GALNT13: variants seen among roughly 807,000 people sequenced by gnomAD.
GALNT13 encodes polypeptide N-acetylgalactosaminyltransferase 13, also known as UDP-GalNAc:polypeptide N-acetylgalactosaminyltransferase 13.
In GALNT13, 28 loss-of-function variants were observed where a neutral mutation model predicts 64.2. The observed-to-expected ratio is 0.44, with a 90% confidence interval of 0.32 to 0.60. GALNT13 has a LOEUF of 0.60. GALNT13 is among the 20% of genes least tolerant of loss of function. GALNT13 has a pLI of 0.05. For missense variants in GALNT13, 577 were observed against 669.8 expected (o/e 0.86, Z 1.53); for synonymous variants, 214 against 224.6 (o/e 0.95, Z 0.42).
At chr2:153,611,949 G>A in the GALNT13 span, among the ~76,000 whole-genome samples, 31 of 151,216 alleles carry the variant, frequency 2.1e-4, no homozygotes, top group Non-Finnish European at 3.5e-4. Context: ...GAGTGACAAC[G>A]TGTGGTGTTT....
the GALNT13 span, among the ~76,000 whole-genome samples, chr2:153,710,700 G>C: frequency 1.3e-5 from 2 of 151,892 alleles, no homozygotes; most frequent in Non-Finnish European, 2.9e-5. Context: ...ATCCTTGCTT[G>C]TTTCCTCCAT....
At chr2:153,292,485 A>C in the GALNT13 span, among the ~76,000 whole-genome samples, 87 of 152,296 alleles carry the variant, frequency 5.7e-4, no homozygotes, top group African/African-American at 2.1e-3. Flanking sequence ...CTGTGGGAGA[A>C]CATGACAGGA....
At chr2:153,728,009 C>T in the GALNT13 span, among the ~76,000 whole-genome samples, 5 of 152,060 alleles carry the variant, frequency 3.3e-5, no homozygotes, top group African/African-American at 1.2e-4. Context: ...GTTTTCTGTT[C>T]CTGTGTTAGT....
the GALNT13 span, among the ~76,000 whole-genome samples, chr2:153,411,795 A>G: frequency 6.6e-6 from 1 of 152,202 alleles, no homozygotes; most frequent in Non-Finnish European, 1.5e-5. Context: ...TCCAAAACCA[A>G]TAAAATTTTG....
At chr2:153,999,007 T>A (rs1255138458) in intron 3 of GALNT13, among the ~76,000 whole-genome samples, 1 of 152,122 alleles carries the variant, frequency 6.6e-6, no homozygotes, top group African/African-American at 2.4e-5. Context: ...GCTATCCCCA[T>A]CAAGCTACCA....
intron 2 of GALNT13, among the ~76,000 whole-genome samples, chr2:153,914,995 A>G (rs1431851258): frequency 6.6e-6 from 1 of 152,094 alleles, no homozygotes; most frequent in East Asian, 1.9e-4. Flanking sequence ...TGGCTCTTAC[A>G]CAATACCTAC....
At chr2:154,068,916 A>C (rs1237561436) in intron 3 of GALNT13, among the ~76,000 whole-genome samples, 2 of 152,044 alleles carry the variant, frequency 1.3e-5, no homozygotes, top group African/African-American at 4.8e-5. Context: ...TCAGATTGTA[A>C]TACAAAGAAA....
At chr2:153,257,376 C>T in the GALNT13 span, among the ~76,000 whole-genome samples, 11 of 151,986 alleles carry the variant, frequency 7.2e-5, no homozygotes, top group Admixed American at 5.2e-4. Context: ...GAGATGAACC[C>T]GGTACCTCAG....
At chr2:153,698,582 A>C in the GALNT13 span, among the ~76,000 whole-genome samples, 1 of 152,198 alleles carries the variant, frequency 6.6e-6, no homozygotes, top group Non-Finnish European at 1.5e-5. Flanking sequence ...GTACACCCAG[A>C]TTCATAAAAC....
the GALNT13 span, among the ~76,000 whole-genome samples, chr2:153,127,888 A>G: frequency 6.6e-6 from 1 of 152,202 alleles, no homozygotes. Flanking sequence ...CCACTTGAAT[A>G]ATAACATTTG....
the GALNT13 span, chr2:153,478,730 C>G: frequency 1.6e-6 from 1 of 623,042 alleles, no homozygotes; most frequent in Non-Finnish European, 2.8e-6. Flanking sequence ...TTCCCAGGAG[C>G]CTCTCCGACG....
At chr2:154,441,445 G>A (rs62171061) in intron 12 of GALNT13, among the ~76,000 whole-genome samples, 7,918 of 152,136 alleles carry the variant, frequency 0.052, 253 homozygotes, top group Middle Eastern at 0.085. Context: ...GGTGGTGCAG[G>A]TTCAAGGCAG....
the GALNT13 span, among the ~76,000 whole-genome samples, chr2:153,098,781 G>C: frequency 1.3e-5 from 2 of 152,088 alleles, no homozygotes; most frequent in Non-Finnish European, 2.9e-5. Flanking sequence ...TGGATTTCCT[G>C]AGTCGAATTC....
intron 9 of GALNT13, among the ~76,000 whole-genome samples, chr2:154,359,435 G>A (rs779419053): frequency 6.6e-5 from 10 of 152,090 alleles, no homozygotes; most frequent in Non-Finnish European, 1.5e-4. Flanking sequence ...AGGGAGAATT[G>A]CTGCCTGTAG....
intron 3 of GALNT13, among the ~76,000 whole-genome samples, chr2:153,986,084 A>G (rs370959316): frequency 6.6e-6 from 1 of 152,080 alleles, no homozygotes; most frequent in East Asian, 1.9e-4. Context: ...GCATGAGACT[A>G]TCTGACTCTG....
At chr2:153,635,199 G>A in the GALNT13 span, among the ~76,000 whole-genome samples, 1 of 151,834 alleles carries the variant, frequency 6.6e-6, no homozygotes, top group African/African-American at 2.4e-5. Context: ...ACCCAGTTTA[G>A]GCTTCCTGCC....
In GALNT13 at chr2:154,298,397, A is replaced by C. The variant is rs1420963710; in HGVS notation, c.976-3012A>C. 2.9e-5 allele frequency among the ~76,000 whole-genome samples: 4 copies of C among 136,928 alleles called. No homozygotes were observed. The South Asian group carries it at 6.9e-4, about 24-fold the overall frequency. The allele number at this position is 136,928 out of a possible 152,430, so 89.8% of individuals were successfully genotyped here. A position where few individuals can be genotyped will look rare whatever the true frequency, so the allele number is the denominator to read the frequency against. On this transcript the variant is annotated intron_variant, in intron 8 of 12. Coordinates refer to ENST00000392825, the MANE Select transcript of GALNT13 (RefSeq NM_052917.4). Reference sequence around the variant, plus strand: ...TAAATTACATAAATATAATTTATATAAATATATAATTTATATATAAATATA... The same window carrying C: ...TAAATTACATAAATATAATTTATATCAATATATAATTTATATATAAATATA...
chr2:153,936,946 T>C (rs539448571), intron 2 of GALNT13, among the ~76,000 whole-genome samples: 62 of 152,230 alleles, frequency 4.1e-4, no homozygotes, highest in African/African-American at 1.4e-3. Context: ...CTCAATCTCC[T>C]GACCTTGTGT....
At chr2:153,291,844 C>T in the GALNT13 span, among the ~76,000 whole-genome samples, 2 of 151,560 alleles carry the variant, frequency 1.3e-5, no homozygotes, top group African/African-American at 4.8e-5. Flanking sequence ...AGGGGAAACA[C>T]CTACCATTCG....
Sources: allele counts gnomAD v4.1 joint callset (sites outside exome capture counted in the v4.1 genomes callset), GRCh38; gene constraint gnomAD v4.1.1; transcripts MANE v1.5; gene names NCBI Gene and HGNC (gene_info 2026-07-23, HGNC 2026-07-21).